Variants in SVEP1 observed in about 807,000 individuals in gnomAD.
SVEP1 encodes sushi, von Willebrand factor type A, EGF and pentraxin domain containing 1, also known as sushi, von Willebrand factor type A, EGF and pentraxin domain-containing protein 1.
SVEP1 carries 164 observed loss-of-function variants against 367.3 expected under a neutral mutation model. The ratio of observed to expected loss-of-function variants is 0.45; its 90% confidence interval spans 0.39 to 0.51. The LOEUF (loss-of-function observed/expected upper bound fraction) is 0.51, where lower values mean the gene tolerates loss of function less well. Ranked by LOEUF, SVEP1 falls within the 20% of genes least tolerant of loss-of-function variation. The pLI, the probability that SVEP1 is intolerant of heterozygous loss-of-function variation, is 0.00. For synonymous variants in SVEP1, 1,666 were observed against 1,611.6 expected (o/e 1.03, Z -0.81); for missense variants, 4,117 against 4,425.3 (o/e 0.93, Z 1.98).
intron 43 of SVEP1, among the ~76,000 whole-genome samples, chr9:110,381,826 C>A (rs190851714): frequency 6.6e-6 from 1 of 152,132 alleles, no homozygotes; most frequent in East Asian, 1.9e-4. Context: ...ATGTCAAAGA[C>A]TCTTTGTAAG....
chr9:110,436,331 T>C (rs1418227134), intron 28 of SVEP1, 49 bp downstream of exon 28: 1 of 1,609,152 alleles, frequency 6.2e-7, no homozygotes, highest in Non-Finnish European at 8.5e-7. Context: ...TTTTACTAGG[T>C]TTGTACCTTT....
intron 3 of SVEP1, among the ~76,000 whole-genome samples, chr9:110,528,152 G>GTA (rs1366946066): frequency 0.018 from 389 of 21,962 alleles, 2 homozygotes; most frequent in East Asian, 0.049. Flanking sequence ...GTGTGTGTGT[G>GTA]TGTGTATATA....
chr9:110,462,733 G>C (rs61412192), intron 18 of SVEP1, among the ~76,000 whole-genome samples: 20,304 of 151,550 alleles, frequency 0.13, 1,798 homozygotes, highest in East Asian at 0.35. Context: ...GACAGAGAGA[G>C]AGAGAGAAAT....
At chr9:110,387,187 T>C (rs568255918) in intron 42 of SVEP1, 98 bp downstream of exon 42, 11 of 1,279,686 alleles carry the variant, frequency 8.6e-6, no homozygotes, top group Middle Eastern at 3.9e-4. Context: ...TCTGGGCCCA[T>C]ATCCCTTATG....
chr9:110,454,273 C>T (rs1408289176), intron 22 of SVEP1, among the ~76,000 whole-genome samples: 1 of 152,176 alleles, frequency 6.6e-6, no homozygotes, highest in African/African-American at 2.4e-5. Context: ...CTCAGCCATA[C>T]ATCCTTTGCC....
chr9:110,478,731 T>C (rs1026920255), intron 13 of SVEP1, among the ~76,000 whole-genome samples: 9 of 152,210 alleles, frequency 5.9e-5, no homozygotes, highest in African/African-American at 1.9e-4. Flanking sequence ...CAAGTGTTTT[T>C]GAATGGACAT....
chr9:110,478,255 T>C (rs1267788889), intron 13 of SVEP1, among the ~76,000 whole-genome samples: 2 of 152,172 alleles, frequency 1.3e-5, no homozygotes, highest in South Asian at 2.1e-4. Flanking sequence ...TTTTATTCCA[T>C]AGCATACGCC....
intron 1 of SVEP1, among the ~76,000 whole-genome samples, chr9:110,573,743 C>T (rs540242353): frequency 3.9e-5 from 6 of 152,134 alleles, no homozygotes; most frequent in Non-Finnish European, 7.3e-5. Context: ...AGGTAACTTA[C>T]AAACACATGG....
chr9:110,500,298 C>T (rs1008876265), intron 6 of SVEP1, among the ~76,000 whole-genome samples: 4 of 152,030 alleles, frequency 2.6e-5, no homozygotes, highest in Admixed American at 1.3e-4. Context: ...TGTGGTTCGA[C>T]GATAATGACA....
At chr9:110,474,370 T>G (rs1588071099) in intron 14 of SVEP1, among the ~76,000 whole-genome samples, 1 of 152,194 alleles carries the variant, frequency 6.6e-6, no homozygotes, top group Non-Finnish European at 1.5e-5. Flanking sequence ...GGTTGCTTAT[T>G]TTTCATACAT....
intron 40 of SVEP1, among the ~76,000 whole-genome samples, chr9:110,399,567 C>A (rs1827824744): frequency 6.6e-6 from 1 of 151,990 alleles, no homozygotes; most frequent in African/African-American, 2.4e-5. Flanking sequence ...GGGTTTCACT[C>A]CTGTCACCCA....
chr9:110,426,887 C>G (rs1828261347), intron 36 of SVEP1, among the ~76,000 whole-genome samples: 1 of 152,074 alleles, frequency 6.6e-6, no homozygotes, highest in African/African-American at 2.4e-5. Context: ...ATGTAAAAAC[C>G]TGAACTTTAT....
At chr9:110,388,800 C>G (rs1827566891) in intron 41 of SVEP1, among the ~76,000 whole-genome samples, 1 of 152,050 alleles carries the variant, frequency 6.6e-6, no homozygotes, top group Admixed American at 6.6e-5. Context: ...GAAACCCCGT[C>G]TCTACTGAAA....
chr9:110,453,546 C>T (rs1428183924), intron 22 of SVEP1, among the ~76,000 whole-genome samples: 4 of 152,040 alleles, frequency 2.6e-5, no homozygotes, highest in Non-Finnish European at 5.9e-5. Flanking sequence ...AACTTGCCAG[C>T]ATGTGTTATT....
intron 46 of SVEP1, among the ~76,000 whole-genome samples, chr9:110,374,957 G>GT (rs1253597382): frequency 1.4e-5 from 1 of 73,960 alleles, no homozygotes; most frequent in Non-Finnish European, 3.0e-5. Context: ...ACTGGATAAA[G>GT]TGTTTTTTTT....
At position 110,430,365 on chromosome 9, in the gene SVEP1, A is replaced by C; in HGVS notation, c.5439T>G (p.Phe1813Leu). The part of the protein sequence containing the change: ...EIYTVGAEVT[F>L]SCQEGYQLMG... ...TCAACTGGTATCCTTCCTGACACGA[A>C]AATGTGACTTCGGCACCTACTGTAT... The change falls in exon 33 of 48, where the codon TTT becomes TTG. Residue 1813 changes from phenylalanine (F) to leucine (L), a missense_variant. Coordinates refer to ENST00000374469, the MANE Select transcript of SVEP1 (RefSeq NM_153366.4). The C allele has an allele frequency of 1.2e-6, 2 of 1,613,544 alleles. No individual in the cohort carries two copies. Among genetic ancestry groups the C allele is most frequent in the Non-Finnish European group, 1.7e-6 (2 of 1,179,738 alleles).
rs368454814 is a variant in SVEP1 at position 110,511,004 on chromosome 9, AAC to A, written c.1303+1920_1303+1921del. 5.0e-3 allele frequency among the ~76,000 whole-genome samples: 760 copies of A among 152,274 alleles called. 4 individuals are homozygous for A. Among genetic ancestry groups the A allele is most frequent in the African/African-American group, 0.018 (730 of 41,554 alleles). The stretch of plus-strand genomic sequence containing the variant: ...TATTCTTTTCCCTCAGAATCCTGGC[AAC>A]ACAGTCTTATTTTCTAACATTGAGA... On this transcript the variant is annotated intron_variant, in intron 5 of 47. Transcript: ENST00000374469.
intron 46 of SVEP1, among the ~76,000 whole-genome samples, chr9:110,373,044 TGA>T (rs1184972845): frequency 1.3e-5 from 2 of 152,076 alleles, no homozygotes; most frequent in African/African-American, 4.8e-5. Context: ...GAGTAGAATG[TGA>T]GAGATGCTGA....
intron 1 of SVEP1, among the ~76,000 whole-genome samples, chr9:110,573,998 A>T (rs1830596413): frequency 6.6e-6 from 1 of 152,198 alleles, no homozygotes; most frequent in African/African-American, 2.4e-5. Flanking sequence ...TATCCATTCA[A>T]ATCAGGTGTG....
Sources: allele counts gnomAD v4.1 joint callset (sites outside exome capture counted in the v4.1 genomes callset), GRCh38; gene constraint gnomAD v4.1.1; transcripts MANE v1.5; gene names NCBI Gene and HGNC (gene_info 2026-07-23, HGNC 2026-07-21).